OPHN1: variants seen among roughly 807,000 people sequenced by gnomAD.
OPHN1 encodes oligophrenin-1.
In OPHN1, 11 loss-of-function variants were observed where a neutral mutation model predicts 60.7. The ratio of observed to expected loss-of-function variants is 0.18; its 90% CI spans 0.11 to 0.30. OPHN1 has a LOEUF of 0.30. Among genes scored for constraint, OPHN1 ranks in the 10% least tolerant of loss-of-function variants. The pLI, the probability that OPHN1 is intolerant of heterozygous loss-of-function variation, is 1.00. For synonymous variants in OPHN1, 226 were observed against 222.6 expected (o/e 1.02, Z -0.14); for missense variants, 449 against 611.0 (o/e 0.73, Z 2.80).
chrX:68,078,522 G>A (rs182702619), intron 19 of OPHN1, among the ~76,000 whole-genome samples: 39 of 111,484 alleles, frequency 3.5e-4, no homozygotes, highest in African/African-American at 1.0e-3. Context: ...AATCTCTTCC[G>A]ATTGAACCCA....
At chrX:68,245,263 C>A (rs1002421469) in intron 5 of OPHN1, among the ~76,000 whole-genome samples, 7 of 111,400 alleles carry the variant, frequency 6.3e-5, no homozygotes, top group Non-Finnish European at 1.3e-4. Flanking sequence ...CAAGGCCCTG[C>A]AGTCTCACGC....
intron 11 of OPHN1, among the ~76,000 whole-genome samples, chrX:68,200,843 G>A (rs1489141637): frequency 9.0e-6 from 1 of 111,548 alleles, no homozygotes; most frequent in African/African-American, 3.3e-5. Flanking sequence ...CTATTACTAA[G>A]TATCTAACAT....
intron 3 of OPHN1, among the ~76,000 whole-genome samples, chrX:68,296,452 G>A (rs1264877503): frequency 1.8e-5 from 2 of 110,219 alleles, no homozygotes; most frequent in African/African-American, 3.3e-5. Context: ...GAGGTCAGGT[G>A]TTCGAGACCA....
Position 68,044,480 on chromosome X carries a change from C to T in OPHN1, c.*2692G>A, listed in dbSNP as rs1489396407. On this transcript the variant is annotated 3_prime_UTR_variant, in exon 25 of 25. Coordinates refer to ENST00000355520, the MANE Select transcript of OPHN1 (RefSeq NM_002547.3). The stretch of plus-strand genomic sequence containing the variant: ...AGGTTCTTTGTTATCCCTGCCAGTT[C>T]ATCACTTTCAGTTCATCCATTGCCA... The T allele has an allele frequency of 8.9e-6, 1 of 112,687 alleles. No individual in the cohort carries two copies. The highest frequency in any genetic ancestry group is 1.9e-5 in the Non-Finnish European group (1 of 53,389). 9.3% of individuals were successfully genotyped at this position (112,687 alleles called of 1,213,427 possible).
intron 10 of OPHN1, among the ~76,000 whole-genome samples, chrX:68,205,969 A>AGT (rs1178548038): frequency 0.012 from 594 of 48,043 alleles, 5 homozygotes; most frequent in African/African-American, 0.029. Context: ...TGTGTGTGTG[A>AGT]GTGTGTGTGA....
At position 68,125,930 on chromosome X, in the gene OPHN1, A is replaced by T. The variant is rs866617561; in HGVS notation, c.1277-6598T>A. Among the ~76,000 whole-genome samples the T allele has an allele frequency of 1.6e-3, 35 of 22,262 alleles. 1 individual carries two copies. The South Asian group carries it at 0.031, about 20-fold the overall frequency. 19.3% of individuals were successfully genotyped at this position (22,262 alleles called of 115,157 possible). A position where few individuals can be genotyped will look rare whatever the true frequency, so the allele number is the denominator to read the frequency against. On this transcript the variant is annotated intron_variant, in intron 15 of 24. Coordinates refer to ENST00000355520, the MANE Select transcript of OPHN1 (RefSeq NM_002547.3). ...AAGCTATTGGCCATAACCACTGATC[A>T]ATATATATATATATATATATATATA...
At chrX:68,246,842 T>G (rs1389794266) in intron 5 of OPHN1, among the ~76,000 whole-genome samples, 1 of 111,360 alleles carries the variant, frequency 9.0e-6, no homozygotes, top group Non-Finnish European at 1.9e-5. Context: ...TATAATAAAC[T>G]TTAGTAGTAC....
chrX:68,185,124 CTTA>C (rs2077456698), intron 15 of OPHN1, among the ~76,000 whole-genome samples: 1 of 112,258 alleles, frequency 8.9e-6, no homozygotes, highest in African/African-American at 3.2e-5. Flanking sequence ...TGATTTGCTG[CTTA>C]TTATCGTTAT....
rs931628823 is a variant in OPHN1 at position 68,044,307 on chromosome X, CA to C, written c.*2864del. 1 of 112,681 alleles carries C rather than the reference CA, an allele frequency of 8.9e-6. No individual in the cohort carries two copies. Among genetic ancestry groups the C allele is most frequent in the Non-Finnish European group, 1.9e-5 (1 of 53,362 alleles). The allele number at this position is 112,681 out of a possible 1,213,427, so 9.3% of individuals were successfully genotyped here. A position where few individuals can be genotyped will look rare whatever the true frequency, so the allele number is the denominator to read the frequency against. On this transcript the variant is annotated 3_prime_UTR_variant, in exon 25 of 25. Coordinates refer to ENST00000355520, the MANE Select transcript of OPHN1 (RefSeq NM_002547.3). Reference sequence around the variant, plus strand: ...GCATGGGCTAAGAGTGGCCTGGATTCAAATCACAGTCCTTTTATTTACTTTC... The same window carrying C: ...GCATGGGCTAAGAGTGGCCTGGATTCAATCACAGTCCTTTTATTTACTTTC...
chrX:68,153,377 T>C (rs915487989), intron 15 of OPHN1, among the ~76,000 whole-genome samples: 4 of 111,381 alleles, frequency 3.6e-5, no homozygotes, highest in Non-Finnish European at 7.5e-5. Context: ...CAGGATTACT[T>C]ATGTAAGTGG....
intron 6 of OPHN1, among the ~76,000 whole-genome samples, chrX:68,231,424 A>G (rs746889402): frequency 1.8e-5 from 2 of 111,985 alleles, no homozygotes; most frequent in African/African-American, 6.5e-5. Flanking sequence ...AAATCTTACC[A>G]TATGATAGCA....
intron 2 of OPHN1, among the ~76,000 whole-genome samples, chrX:68,324,427 A>G (rs1227195838): frequency 9.6e-6 from 1 of 103,860 alleles, no homozygotes; most frequent in African/African-American, 3.7e-5. Flanking sequence ...AACCGGTAAG[A>G]CTCCGTCTCT....
chrX:68,306,810 C>T (rs2078147464), intron 2 of OPHN1, among the ~76,000 whole-genome samples: 3 of 111,486 alleles, frequency 2.7e-5, no homozygotes, highest in Admixed American at 1.9e-4. Context: ...GCAGCCTTGA[C>T]CTCCCGGGCT....
chrX:68,206,112 A>C (rs1270252257), intron 10 of OPHN1, among the ~76,000 whole-genome samples: 2 of 110,368 alleles, frequency 1.8e-5, no homozygotes, highest in Admixed American at 9.8e-5. Context: ...GGAGGGCAGA[A>C]AAAGAGAGAT....
chrX:68,209,563 C>T (rs1200339997), intron 9 of OPHN1, among the ~76,000 whole-genome samples: 1 of 111,228 alleles, frequency 9.0e-6, no homozygotes, highest in Non-Finnish European at 1.9e-5. Flanking sequence ...AAGATCCTGT[C>T]TTAAAAAAAG....
rs1396734103 is a variant in OPHN1 at position 68,251,079 on chromosome X, G to GATA, written c.385-16494_385-16492dup. 2.8e-5 allele frequency among the ~76,000 whole-genome samples: 3 copies of GATA among 108,490 alleles called. No homozygotes were observed. The Admixed American group carries it at 3.0e-4, about 11-fold the overall frequency. 94.2% of individuals were successfully genotyped at this position (108,490 alleles called of 115,157 possible). On this transcript the variant is annotated intron_variant, in intron 5 of 24. Coordinates refer to ENST00000355520, the MANE Select transcript of OPHN1 (RefSeq NM_002547.3). ...CAGGGCTTTGAAGAAATGGAAAACA[G>GATA]ATAAGCATGGTAATGTGGAAAGAAG...
At chrX:68,162,550 A>ACATTAGAGT (rs1483371506) in intron 15 of OPHN1, among the ~76,000 whole-genome samples, 1 of 110,617 alleles carries the variant, frequency 9.0e-6, no homozygotes, top group Non-Finnish European at 1.9e-5. Context: ...GAAGTAGACA[A>ACATTAGAGT]CATTAGAGTA....
intron 20 of OPHN1, chrX:68,071,487 C>G (rs1313518153): frequency 1.2e-6 from 1 of 836,380 alleles, no homozygotes; most frequent in Non-Finnish European, 1.8e-6. Flanking sequence ...CTTTCAAGAA[C>G]AGAACATCCT....
chrX:68,208,446 A>G (rs978580485), intron 9 of OPHN1, among the ~76,000 whole-genome samples: 1 of 111,777 alleles, frequency 8.9e-6, no homozygotes, highest in African/African-American at 3.2e-5. Flanking sequence ...TCTAGTTCAA[A>G]TATCACTTTC....
Sources: allele counts gnomAD v4.1 joint callset (sites outside exome capture counted in the v4.1 genomes callset), GRCh38; gene constraint gnomAD v4.1.1; transcripts MANE v1.5; gene names NCBI Gene and HGNC (gene_info 2026-07-23, HGNC 2026-07-21).